Variants in ADAMTS19 observed in about 807,000 individuals in gnomAD.
ADAMTS19 encodes ADAM metallopeptidase with thrombospondin type 1 motif 19.
A neutral mutation model predicts 153.3 loss-of-function variants in ADAMTS19; 93 were observed. The observed-to-expected ratio is 0.61, with a 90% CI of 0.51 to 0.72. The LOEUF is 0.72. ADAMTS19 is among the 30% of genes least tolerant of loss of function. ADAMTS19 has a pLI of 0.00. For synonymous variants in ADAMTS19, 600 were observed against 556.6 expected (o/e 1.08, Z -1.10); for missense variants, 1,482 against 1,552.1 (o/e 0.95, Z 0.76).
chr5:129,523,588 C>T (rs976021206), intron 3 of ADAMTS19, among the ~76,000 whole-genome samples: 2 of 152,138 alleles, frequency 1.3e-5, no homozygotes, highest in African/African-American at 4.8e-5. Flanking sequence ...ATGTAAGTTA[C>T]ACCTCAATAA....
chr5:129,508,011 T>C (rs2126723350), intron 2 of ADAMTS19, among the ~76,000 whole-genome samples: 1 of 152,118 alleles, frequency 6.6e-6, no homozygotes, highest in Admixed American at 6.6e-5. Flanking sequence ...AAAGAAAACA[T>C]GCATTTCCTT....
intron 8 of ADAMTS19, among the ~76,000 whole-genome samples, chr5:129,614,648 C>A (rs1209366568): frequency 1.3e-5 from 2 of 152,098 alleles, no homozygotes; most frequent in African/African-American, 2.4e-5. Context: ...TACTCTCTCA[C>A]CACTCCTATT....
At position 129,528,618 on chromosome 5, in the gene ADAMTS19, G is replaced by C. The variant is rs1276484657; in HGVS notation, c.1269G>C (p.Glu423Asp). 1 of 1,606,900 alleles carries C rather than the reference G, an allele frequency of 6.2e-7. No individual in the cohort carries two copies. The highest frequency in any genetic ancestry group is 1.3e-5 in the African/African-American group (1 of 74,400). ...GCAAAAAGAATGATATACATTTAGA[G>C]ATGTCAACAAACTGGGGGGAAGACA... is the stretch of plus-strand genomic sequence containing the variant. ...EFGKKNDIHL[E>D]MSTNWGEDMT... The change falls in exon 6 of 23, where the codon GAG becomes GAC. Residue 423 changes from glutamate to aspartate, a missense_variant. Coordinates refer to ENST00000274487, the MANE Select transcript of ADAMTS19 (RefSeq NM_133638.6).
At chr5:129,624,510 T>A (rs749642366) in intron 10 of ADAMTS19, among the ~76,000 whole-genome samples, 1 of 152,162 alleles carries the variant, frequency 6.6e-6, no homozygotes, top group Non-Finnish European at 1.5e-5. Flanking sequence ...CTCTTTGTGG[T>A]CACTGTCACT....
chr5:129,598,701 C>G (rs1750501930), intron 8 of ADAMTS19, among the ~76,000 whole-genome samples: 1 of 152,126 alleles, frequency 6.6e-6, no homozygotes, highest in Non-Finnish European at 1.5e-5. Flanking sequence ...GTGTTGAGAA[C>G]TTAAAATCTA....
chr5:129,617,215 T>A (rs1387681890), intron 8 of ADAMTS19, among the ~76,000 whole-genome samples: 2 of 152,062 alleles, frequency 1.3e-5, no homozygotes, highest in Admixed American at 6.6e-5. Flanking sequence ...CCCAATTTAA[T>A]GATAATCTTT....
chr5:129,731,613 G>A (rs1053594970), intron 21 of ADAMTS19, among the ~76,000 whole-genome samples: 3 of 152,070 alleles, frequency 2.0e-5, no homozygotes, highest in Non-Finnish European at 2.9e-5. Flanking sequence ...TTAGATTTGA[G>A]ATAATGAGGA....
At chr5:129,661,012 C>T (rs555710754) in intron 15 of ADAMTS19, among the ~76,000 whole-genome samples, 9 of 152,264 alleles carry the variant, frequency 5.9e-5, no homozygotes, top group African/African-American at 1.7e-4. Context: ...AAATGTGTAT[C>T]GATCAGCTTT....
intron 8 of ADAMTS19, among the ~76,000 whole-genome samples, chr5:129,600,111 A>C (rs1037259346): frequency 8.5e-5 from 13 of 152,302 alleles, no homozygotes; most frequent in African/African-American, 3.1e-4. Context: ...AAGAAAGAAG[A>C]ATACAAGAAA....
intron 3 of ADAMTS19, among the ~76,000 whole-genome samples, chr5:129,514,122 C>T (rs1751521740): frequency 7.0e-6 from 1 of 143,106 alleles, no homozygotes; most frequent in African/African-American, 2.7e-5. Flanking sequence ...GACTGTATCT[C>T]ATTCTTTTTG....
intron 21 of ADAMTS19, among the ~76,000 whole-genome samples, chr5:129,723,669 A>G (rs529594280): frequency 1.3e-5 from 2 of 152,326 alleles, no homozygotes; most frequent in South Asian, 4.1e-4. Context: ...ATTTCATTAT[A>G]AAAGAAATAT....
At chr5:129,603,773 A>G (rs1040876030) in intron 8 of ADAMTS19, among the ~76,000 whole-genome samples, 2 of 152,188 alleles carry the variant, frequency 1.3e-5, no homozygotes, top group African/African-American at 4.8e-5. Context: ...GAAGGCAATA[A>G]TATTACTTTA....
rs73248520 is a variant in ADAMTS19 at position 129,575,087 on chromosome 5, T to G, written c.1373-21472T>G. 7.8e-3 allele frequency among the ~76,000 whole-genome samples: 1,185 copies of G among 152,170 alleles called. 18 individuals are homozygous for G. Among genetic ancestry groups the G allele is most frequent in the African/African-American group, 0.026 (1,077 of 41,546 alleles). On this transcript the variant is annotated intron_variant, in intron 7 of 22. Coordinates refer to ENST00000274487, the MANE Select transcript of ADAMTS19 (RefSeq NM_133638.6). ...TGCTTTGAAATTATAACTATTTTCT[T>G]TATATTTCTGCAGTTTATAGATTAC...
chr5:129,576,906 G>A (rs1232665497), intron 7 of ADAMTS19, among the ~76,000 whole-genome samples: 2 of 152,058 alleles, frequency 1.3e-5, no homozygotes, highest in Non-Finnish European at 2.9e-5. Context: ...TTGTACTGCT[G>A]AAGACACTGC....
intron 21 of ADAMTS19, among the ~76,000 whole-genome samples, chr5:129,709,337 A>G (rs1304429013): frequency 6.6e-6 from 1 of 152,108 alleles, no homozygotes; most frequent in Non-Finnish European, 1.5e-5. Flanking sequence ...GCTGAAAAAA[A>G]ATATATTGAC....
rs1048297971 is a variant in ADAMTS19 at position 129,548,561 on chromosome 5, C to G, written c.1329-3303C>G. ...GAGAGGATGTGGAGAAATAGGAACA[C>G]TTTTACACTGTTGTTGGGACTGTAA... is the stretch of plus-strand genomic sequence containing the variant. On this transcript the variant is annotated intron_variant, in intron 6 of 22. Transcript: ENST00000274487. Among the ~76,000 whole-genome samples the G allele has an allele frequency of 7.5e-4, 114 of 151,566 alleles. 1 individual carries two copies. The highest frequency in any genetic ancestry group is 2.6e-3 in the African/African-American group (107 of 41,338).
rs139637049 is a variant in ADAMTS19, at chr5:129,464,256, T to C, written c.747+2499T>C. On this transcript the variant is annotated intron_variant, in intron 2 of 22. Coordinates refer to ENST00000274487, the MANE Select transcript of ADAMTS19 (RefSeq NM_133638.6). ...CTTGTCTGCAAGAATATGGGCTTTT[T>C]CTAACTGAATAGTCATAGAACTTCT... is the stretch of plus-strand genomic sequence containing the variant. Among the ~76,000 whole-genome samples the C allele has an allele frequency of 1.6e-3, 239 of 152,348 alleles. 2 individuals carry two copies. Among genetic ancestry groups the C allele is most frequent in the African/African-American group, 5.3e-3 (221 of 41,586 alleles).
At chr5:129,706,938 A>T (rs1218398968) in intron 21 of ADAMTS19, among the ~76,000 whole-genome samples, 1 of 152,138 alleles carries the variant, frequency 6.6e-6, no homozygotes, top group Non-Finnish European at 1.5e-5. Context: ...AATTGGATTG[A>T]ATTACTTTTA....
intron 7 of ADAMTS19, among the ~76,000 whole-genome samples, chr5:129,561,955 TC>T (rs754196514): frequency 1.3e-5 from 2 of 152,210 alleles, no homozygotes; most frequent in Non-Finnish European, 2.9e-5. Flanking sequence ...ATGAAAGTTT[TC>T]CAATATTCTA....
Sources: allele counts gnomAD v4.1 joint callset (sites outside exome capture counted in the v4.1 genomes callset), GRCh38; gene constraint gnomAD v4.1.1; transcripts MANE v1.5; gene names NCBI Gene and HGNC (gene_info 2026-07-23, HGNC 2026-07-21).